TP53BP2: variants seen among roughly 807,000 people sequenced by gnomAD.
TP53BP2 encodes tumor protein p53 binding protein 2, also known as apoptosis-stimulating of p53 protein 2.
In TP53BP2, 62 loss-of-function variants were observed where a neutral mutation model predicts 126.2. The ratio of observed to expected loss-of-function variants is 0.49; its 90% CI spans 0.40 to 0.61. The LOEUF (loss-of-function observed/expected upper bound fraction) is 0.61. Among genes scored for constraint, TP53BP2 ranks in the 20% least tolerant of loss-of-function variants. The pLI, the probability that TP53BP2 is intolerant of heterozygous loss-of-function variation, is 0.00. For missense variants in TP53BP2, 1,215 were observed against 1,402.8 expected (o/e 0.87, Z 2.14); for synonymous variants, 485 against 502.9 (o/e 0.96, Z 0.48).
At chr1:223,801,772 C>T (rs1558094940) in intron 9 of TP53BP2, among the ~76,000 whole-genome samples, 1 of 152,172 alleles carries the variant, frequency 6.6e-6, no homozygotes, top group African/African-American at 2.4e-5. Context: ...ACCACAAACA[C>T]ATATGTTTTT....
chr1:223,816,303 T>C (rs966100520), intron 2 of TP53BP2, among the ~76,000 whole-genome samples: 1 of 151,778 alleles, frequency 6.6e-6, no homozygotes, highest in African/African-American at 2.4e-5. Context: ...CACGAGTGGG[T>C]AGTGAGGAAA....
chr1:223,784,827 T>A (rs993897313), intron 16 of TP53BP2, among the ~76,000 whole-genome samples: 2 of 152,106 alleles, frequency 1.3e-5, no homozygotes, highest in African/African-American at 4.8e-5. Context: ...GAGGAAAAAA[T>A]ATATATAGAA....
intron 2 of TP53BP2, among the ~76,000 whole-genome samples, chr1:223,819,594 G>A (rs181933098): frequency 1.6e-3 from 236 of 152,064 alleles, no homozygotes; most frequent in African/African-American, 5.4e-3. Flanking sequence ...GCTGAGGCAG[G>A]AGAATGGCGT....
chr1:223,784,532 A>G (rs1661884280), intron 16 of TP53BP2, among the ~76,000 whole-genome samples: 1 of 152,216 alleles, frequency 6.6e-6, no homozygotes, highest in Non-Finnish European at 1.5e-5. Context: ...ACTATATGCT[A>G]TCATCTCTAA....
At chr1:223,817,642 TA>T (rs1342482624) in intron 2 of TP53BP2, among the ~76,000 whole-genome samples, 2 of 152,066 alleles carry the variant, frequency 1.3e-5, no homozygotes, top group Admixed American at 1.3e-4. Context: ...TGTGATAATT[TA>T]AAAATAATGT....
chr1:223,826,126 T>C (rs2102877958), intron 1 of TP53BP2: 1 of 152,222 alleles, frequency 6.6e-6, no homozygotes, highest in East Asian at 1.9e-4. Flanking sequence ...AGGCAACACA[T>C]TTAAAGCCCT....
Position 223,842,471 on chromosome 1 carries a change from T to G in TP53BP2, c.27+3183A>C, listed in dbSNP as rs533296697. Among the ~76,000 whole-genome samples the G allele has an allele frequency of 7.9e-5, 12 of 152,348 alleles. No homozygotes were observed. The South Asian group carries it at 2.5e-3, about 32-fold the overall frequency. On this transcript the variant is annotated intron_variant, in intron 1 of 17. Coordinates refer to ENST00000343537, the MANE Select transcript of TP53BP2 (RefSeq NM_001031685.3). ...CATTTCCATTACAGCTGGACATTCATGCCAAATATACAGCATCTCCAATGA... is the reference window on the plus strand; with the variant it reads ...CATTTCCATTACAGCTGGACATTCAGGCCAAATATACAGCATCTCCAATGA...
intron 16 of TP53BP2, among the ~76,000 whole-genome samples, chr1:223,785,848 C>G (rs1232253205): frequency 6.6e-6 from 1 of 152,114 alleles, no homozygotes; most frequent in Non-Finnish European, 1.5e-5. Flanking sequence ...AGGTATCATT[C>G]CAAATCCACC....
At chr1:223,819,512 C>T (rs899804929) in intron 2 of TP53BP2, among the ~76,000 whole-genome samples, 3 of 151,990 alleles carry the variant, frequency 2.0e-5, no homozygotes, top group Non-Finnish European at 4.4e-5. Flanking sequence ...CGGTGAAACC[C>T]TGTCTCTACT....
intron 12 of TP53BP2, among the ~76,000 whole-genome samples, chr1:223,797,221 C>A (rs1662355843): frequency 6.6e-6 from 1 of 152,178 alleles, no homozygotes; most frequent in South Asian, 2.1e-4. Context: ...TTCATGACTA[C>A]AAAGCTATTT....
At position 223,817,640 on chromosome 1, in the gene TP53BP2, T is replaced by A. The variant is rs376804021; in HGVS notation, c.176-3287A>T. Among the ~76,000 whole-genome samples, 8 of 152,100 alleles carry A rather than the reference T, an allele frequency of 5.3e-5. No homozygotes were observed. The East Asian group carries it at 5.8e-4, about 11-fold the overall frequency. On this transcript the variant is annotated intron_variant, in intron 2 of 17. Transcript: ENST00000343537. ...CATACTGGGGGAAATTATGTGATAATTTAAAAATAATGTGGTGGCTCATGT... is the reference window on the plus strand; with the variant it reads ...CATACTGGGGGAAATTATGTGATAAATTAAAAATAATGTGGTGGCTCATGT...
At chr1:223,824,792 T>C (rs1663429688) in intron 1 of TP53BP2, among the ~76,000 whole-genome samples, 3 of 151,956 alleles carry the variant, frequency 2.0e-5, no homozygotes, top group Admixed American at 2.0e-4. Flanking sequence ...CTGGCCCCCA[T>C]TTCCTTCTAA....
At chr1:223,786,240 A>G (rs1661949255) in intron 16 of TP53BP2, among the ~76,000 whole-genome samples, 1 of 152,210 alleles carries the variant, frequency 6.6e-6, no homozygotes, top group East Asian at 1.9e-4. Flanking sequence ...TAATTATTTT[A>G]CAAAACAAGG....
At chr1:223,794,599 G>T (rs74147557) in intron 13 of TP53BP2, among the ~76,000 whole-genome samples, 2,832 of 152,218 alleles carry the variant, frequency 0.019, 95 homozygotes, top group African/African-American at 0.065. Flanking sequence ...TGAAAATGTG[G>T]ATTATTTTGA....
At chr1:223,831,086 A>T (rs542910793) in intron 1 of TP53BP2, among the ~76,000 whole-genome samples, 13 of 140,094 alleles carry the variant, frequency 9.3e-5, no homozygotes, top group South Asian at 6.4e-4. Flanking sequence ...AGAGAGAGTG[A>T]GACTCTTTCT....
At chr1:223,807,830 T>C (rs1391185840) in intron 4 of TP53BP2, among the ~76,000 whole-genome samples, 1 of 152,184 alleles carries the variant, frequency 6.6e-6, no homozygotes. Context: ...TGTTCATGAA[T>C]TGGAAGCTCA....
chr1:223,794,150 C>T (rs1038995232), intron 13 of TP53BP2, among the ~76,000 whole-genome samples: 35 of 151,118 alleles, frequency 2.3e-4, no homozygotes, highest in African/African-American at 2.4e-5. Context: ...TTTAATGAAT[C>T]GGACTTAAAA....
chr1:223,790,609 C>CTTT (rs35994805), intron 15 of TP53BP2, among the ~76,000 whole-genome samples: 1 of 137,118 alleles, frequency 7.3e-6, no homozygotes. Flanking sequence ...TTCCAGATCA[C>CTTT]TTTTTTTTTT....
In TP53BP2 at chr1:223,821,333, T is replaced by C. The variant is rs372699210; in HGVS notation, c.62A>G (p.Gln21Arg). The change falls in exon 2 of 18, where the codon CAG becomes CGG. Residue 21 changes from glutamine (Q) to arginine (R), a missense_variant. Gln to Arg is a conservative substitution (Grantham distance 43, BLOSUM62 1). Around this residue, in one of 4 missense-constraint regions of TP53BP2, gnomAD observed 814 missense variants for 853.0 expected, o/e 0.95. Transcript: ENST00000343537. The part of the protein sequence containing the change: ...FLTVYLSNNE[Q>R]HFTEVPVTPE... ...AGTAACTGGAACTTCTGTGAAGTGCTGCTCATTGTTACTGAGATACACGGT... is the reference window on the plus strand; with the variant it reads ...AGTAACTGGAACTTCTGTGAAGTGCCGCTCATTGTTACTGAGATACACGGT... 3.3e-5 allele frequency: 54 copies of C among 1,613,938 alleles called. No homozygotes were observed. In the Middle Eastern group the frequency reaches 9.9e-4, roughly 29 times the overall value.
Sources: gnomAD v4.1 joint callset for allele counts (sites outside exome capture counted in the v4.1 genomes callset) on GRCh38, gnomAD v4.1.1 for gene constraint, gnomAD v4.1.1 regional missense constraint, MANE v1.5 for transcripts, NCBI Gene and HGNC (gene_info 2026-07-23, HGNC 2026-07-21) for gene names.